Variants in SPEG observed in about 807,000 individuals in gnomAD.
The protein encoded by SPEG is striated muscle enriched protein kinase.
SPEG carries 114 observed loss-of-function variants against 300.4 expected under a neutral mutation model. The ratio of observed to expected loss-of-function variants is 0.38; its 90% CI spans 0.33 to 0.44. The LOEUF is 0.44. Ranked by LOEUF, SPEG falls within the 20% of genes least tolerant of loss-of-function variation. The pLI is 1.00. For synonymous variants in SPEG, 1,964 were observed against 2,018.9 expected (o/e 0.97, Z 0.73); for missense variants, 4,201 against 4,586.2 (o/e 0.92, Z 2.43).
intron 3 of SPEG, among the ~76,000 whole-genome samples, chr2:219,447,452 G>C (rs1246085239): frequency 2.0e-5 from 3 of 152,118 alleles, no homozygotes; most frequent in Admixed American, 6.5e-5. Context: ...CAAAAGGCTT[G>C]TGCCTGGTCC....
chr2:219,461,947 G>A lies in SPEG; in HGVS notation c.2506G>A (p.Glu836Lys). ...SDEEYLSPPEEFPEPGETWPR... is the reference protein window; with the variant it reads ...SDEEYLSPPEKFPEPGETWPR... ...CGAGGAATACCTGAGCCCCCCAGAGGAGTTCCCAGAGCCTGGGGAGACCTG... is the reference window on the plus strand; with the variant it reads ...CGAGGAATACCTGAGCCCCCCAGAGAAGTTCCCAGAGCCTGGGGAGACCTG... Residue 836 changes from glutamate (E) to lysine (K), a missense_variant, in exon 7 of 41, where the codon GAG becomes AAG. By Grantham distance (56) the Glu-to-Lys change is moderately conservative. This residue lies in a region of SPEG where 1,258 missense variants were observed against 1,293.9 expected (regional missense o/e 0.97). Transcript: ENST00000312358. 1.2e-6 allele frequency: 2 copies of A among 1,613,828 alleles called. No individual in the cohort carries two copies. Among genetic ancestry groups the A allele is most frequent in the Non-Finnish European group, 1.7e-6 (2 of 1,179,904 alleles).
Position 219,488,514 on chromosome 2 carries a change from G to T in SPEG, c.7875G>T (p.Arg2625Ser). The part of the protein sequence containing the change: ...ISWMKDKKSL[R>S]SEPSVIIVSC... ...TGTCCCCAGACAAGAAGTCCTTGAG[G>T]TCAGAGCCCTCAGTGATCATCGTGT... Residue 2625 changes from arginine to serine, a missense_variant, in exon 33 of 41, where the codon AGG (arginine) becomes AGT (serine). By Grantham distance (110) the Arg-to-Ser change is moderately radical (BLOSUM62 -1). Around this residue, in one of 4 missense-constraint regions of SPEG, gnomAD observed 1,578 missense variants for 1,506.0 expected, o/e 1.05. Transcript: ENST00000312358. The T allele has an allele frequency of 6.3e-7, 1 of 1,584,412 alleles. No homozygotes were observed. Among genetic ancestry groups the T allele is most frequent in the Non-Finnish European group, 8.6e-7 (1 of 1,164,218 alleles).
At position 219,493,114 on chromosome 2, in the gene SPEG, T is replaced by G. The variant is rs773068485; in HGVS notation, c.*328T>G. 1 of 565,756 alleles carries G rather than the reference T, an allele frequency of 1.8e-6. No homozygotes were observed. The highest frequency in any genetic ancestry group is 3.3e-6 in the Non-Finnish European group (1 of 301,656). 35.0% of individuals were successfully genotyped at this position (565,756 alleles called of 1,614,324 possible). On this transcript the variant is annotated 3_prime_UTR_variant, in exon 41 of 41. Transcript: ENST00000312358. The stretch of plus-strand genomic sequence containing the variant: ...GGGGAGGCTCTAGGAAGGTTCTGGG[T>G]TGGGGGTCAGTGCATCTCAGGGAGA...
intron 30 of SPEG, 71 bp downstream of exon 30, chr2:219,485,143 G>T: frequency 6.6e-7 from 1 of 1,515,780 alleles, no homozygotes; most frequent in South Asian, 1.2e-5. Context: ...GCTGTGGGAG[G>T]AGCAGAGGGC....
chr2:219,444,793 G>A lies in SPEG; in HGVS notation c.479-32G>A. On this transcript the variant is annotated intron_variant, in intron 2 of 40. Coordinates refer to ENST00000312358, the MANE Select transcript of SPEG (RefSeq NM_005876.5). This position sits in a 1 kb window ranked among gnomAD's most constrained non-coding sequence, Gnocchi z 7.8. ...CAGGCAGGCGGGTTTTCCATAAGGG[G>A]TGCCTCAGTCTCACGGTGCTCCTTT... 1 of 1,611,022 alleles carries A rather than the reference G, an allele frequency of 6.2e-7. No individual in the cohort carries two copies. The highest frequency in any genetic ancestry group is 8.5e-7 in the Non-Finnish European group (1 of 1,177,942).
At position 219,477,327 on chromosome 2, in the gene SPEG, G is replaced by C; in HGVS notation, c.4611G>C (p.Glu1537Asp). Reference sequence around the variant, plus strand: ...GCCATGTGAGCTTCGTGTACGAGGAGAATGAGTGCTCCCTGGTGGTGCTCA... The same window carrying C: ...GCCATGTGAGCTTCGTGTACGAGGACAATGAGTGCTCCCTGGTGGTGCTCA... The part of the protein sequence containing the change: ...ESSHVSFVYE[E>D]NECSLVVLST... The change falls in exon 20 of 41, where the codon GAG (glutamate) becomes GAC (aspartate). Residue 1537 changes from glutamate to aspartate, a missense_variant. This residue lies in a region of SPEG where 1,047 missense variants were observed against 1,356.8 expected (regional missense o/e 0.77). Coordinates refer to ENST00000312358, the MANE Select transcript of SPEG (RefSeq NM_005876.5). The surrounding 1 kb of genome is among the most constrained non-coding windows in gnomAD (Gnocchi z 6.4). 6.2e-7 allele frequency: 1 copy of C among 1,613,634 alleles called. No homozygotes were observed. The highest frequency in any genetic ancestry group is 1.1e-5 in the South Asian group (1 of 91,046).
At position 219,443,184 on chromosome 2, in the gene SPEG, A is replaced by G. The variant is rs774499619; in HGVS notation, c.389-1469A>G. 7 of 1,607,052 alleles carry G rather than the reference A, an allele frequency of 4.4e-6. No homozygotes were observed. The highest frequency in any genetic ancestry group is 4.0e-5 in the African/African-American group (3 of 74,750). ...ACCGTGGGCGTCCTTGCTCTAGCCC[A>G]TGCCTACTCCTCCTCTTGGTCCCTG... On this transcript the variant is annotated intron_variant, in intron 1 of 40. Coordinates refer to ENST00000312358, the MANE Select transcript of SPEG (RefSeq NM_005876.5). The surrounding 1 kb of genome is among the most constrained non-coding windows in gnomAD (Gnocchi z 4.6).
intron 18 of SPEG, among the ~76,000 whole-genome samples, chr2:219,476,354 A>G (rs1311564875): frequency 1.3e-5 from 2 of 152,302 alleles, no homozygotes; most frequent in East Asian, 3.9e-4. Context: ...AGCTTAATTC[A>G]GGGTCACAGG....
Position 219,481,238 on chromosome 2 carries a change from G to A in SPEG, c.5370-66G>A. 6.5e-7 allele frequency: 1 copy of A among 1,540,496 alleles called. No homozygotes were observed. On this transcript the variant is annotated intron_variant, in intron 26 of 40. Coordinates refer to ENST00000312358, the MANE Select transcript of SPEG (RefSeq NM_005876.5). This position sits in a 1 kb window ranked among gnomAD's most constrained non-coding sequence, Gnocchi z 5.4. Reference sequence around the variant, plus strand: ...AGAGCCTCCATCTGTCCCCAGCCCTGTGCCCCCACTGACATTCCCCTTTGT... The same window carrying A: ...AGAGCCTCCATCTGTCCCCAGCCCTATGCCCCCACTGACATTCCCCTTTGT...
intron 6 of SPEG, among the ~76,000 whole-genome samples, chr2:219,454,297 C>T (rs1278739210): frequency 6.6e-6 from 1 of 152,196 alleles, no homozygotes; most frequent in African/African-American, 2.4e-5. Context: ...ACCAGCTCCC[C>T]TGGTCCCTCC....
In SPEG at chr2:219,472,968, G is replaced by A. The variant is rs34994343; in HGVS notation, c.4019G>A (p.Arg1340Gln). Reference sequence around the variant, plus strand: ...TGGACGGCACTGGTCACAGGCCTGCGGGAGCCAGGGTGGGCAGCCACAGGG... The same window carrying A: ...TGGACGGCACTGGTCACAGGCCTGCAGGAGCCAGGGTGGGCAGCCACAGGG... ...DQWTALVTGLREPGWAATGLR... is the reference protein window; with the variant it reads ...DQWTALVTGLQEPGWAATGLR... The change falls in exon 16 of 41, where the codon CGG (arginine) becomes CAG (glutamine). Residue 1340 changes from arginine to glutamine, a missense_variant. Physicochemically the swap from Arg to Gln is conservative, Grantham distance 43. Around this residue, in one of 4 missense-constraint regions of SPEG, gnomAD observed 1,047 missense variants for 1,356.8 expected, o/e 0.77. Coordinates refer to ENST00000312358, the MANE Select transcript of SPEG (RefSeq NM_005876.5). The A allele has an allele frequency of 0.011, 17,511 of 1,613,788 alleles. 115 individuals are homozygous for A. The highest frequency in any genetic ancestry group is 0.013 in the Non-Finnish European group (15,111 of 1,180,004).
chr2:219,488,873 A>G lies in SPEG; in HGVS notation c.8122A>G (p.Thr2708Ala), dbSNP rs751876013. The G allele has an allele frequency of 2.4e-5, 38 of 1,586,602 alleles. No individual in the cohort carries two copies. The highest frequency in any genetic ancestry group is 3.0e-5 in the Non-Finnish European group (35 of 1,165,618). Residue 2708 changes from threonine (T) to alanine (A), a missense_variant, in exon 34 of 41, where the codon ACG (threonine) becomes GCG (alanine). Transcript: ENST00000312358. The stretch of plus-strand genomic sequence containing the variant: ...GCCGGGAGACAGCCGGGCACCTTGC[A>G]CGTATACGCTGGAGCGGCGAGTGGA... ...WKPGDSRAPC[T>A]YTLERRVDGE...
chr2:219,443,183 C>G lies in SPEG; in HGVS notation c.389-1470C>G, dbSNP rs188922226. Reference sequence around the variant, plus strand: ...GACCGTGGGCGTCCTTGCTCTAGCCCATGCCTACTCCTCCTCTTGGTCCCT... The same window carrying G: ...GACCGTGGGCGTCCTTGCTCTAGCCGATGCCTACTCCTCCTCTTGGTCCCT... On this transcript the variant is annotated intron_variant, in intron 1 of 40. Coordinates refer to ENST00000312358, the MANE Select transcript of SPEG (RefSeq NM_005876.5). The surrounding 1 kb of genome is among the most constrained non-coding windows in gnomAD (Gnocchi z 4.6). The G allele has an allele frequency of 1.9e-6, 3 of 1,606,684 alleles. No homozygotes were observed. The highest frequency in any genetic ancestry group is 2.6e-6 in the Non-Finnish European group (3 of 1,174,260).
rs186593787 is a variant in SPEG at position 219,444,409 on chromosome 2, G to A, written c.389-244G>A. ...GCGGGGAGGGGGTGGCAGTTTGGAG[G>A]GCCCTACGGAGGTAAACGTGAGTAA... On this transcript the variant is annotated intron_variant, in intron 1 of 40. Transcript: ENST00000312358. The surrounding 1 kb of genome is among the most constrained non-coding windows in gnomAD (Gnocchi z 7.8). Among the ~76,000 whole-genome samples, 923 of 152,062 alleles carry A rather than the reference G, an allele frequency of 6.1e-3. 12 individuals are homozygous for A. The highest frequency in any genetic ancestry group is 0.021 in the African/African-American group (881 of 41,474).
chr2:219,447,925 G>A lies in SPEG; in HGVS notation c.816-49G>A, dbSNP rs777384789. 4.0e-5 allele frequency: 62 copies of A among 1,562,964 alleles called. No individual in the cohort carries two copies. In the East Asian group the frequency reaches 4.3e-4, roughly 11 times the overall value. On this transcript the variant is annotated intron_variant, in intron 3 of 40. Coordinates refer to ENST00000312358, the MANE Select transcript of SPEG (RefSeq NM_005876.5). The stretch of plus-strand genomic sequence containing the variant: ...TTCCTGTCACAAGCTAAGGGTCTAG[G>A]AGAGGAGGCCCCCTGAATCCTCTAC...
chr2:219,489,961 A>G, intron 36 of SPEG, 22 bp downstream of exon 36: 2 of 1,545,784 alleles, frequency 1.3e-6, no homozygotes, highest in East Asian at 4.5e-5. Flanking sequence ...TGGGGAAGGG[A>G]AGAGGACAGA....
chr2:219,436,976 A>G (rs1559359488), intron 1 of SPEG, among the ~76,000 whole-genome samples: 2 of 152,162 alleles, frequency 1.3e-5, no homozygotes, highest in Admixed American at 6.5e-5. Flanking sequence ...TGACAAGGAG[A>G]GTAACAGTCA....
chr2:219,453,195 G>C (rs559870784), intron 6 of SPEG, among the ~76,000 whole-genome samples: 12 of 152,212 alleles, frequency 7.9e-5, no homozygotes, highest in Non-Finnish European at 1.6e-4. Context: ...GGATGGGGGT[G>C]CCCCGATACT....
chr2:219,471,330 G>A (rs1400380245), intron 13 of SPEG, among the ~76,000 whole-genome samples: 1 of 152,226 alleles, frequency 6.6e-6, no homozygotes. Context: ...CCAGCATCAA[G>A]ATGCAGAGGA....
Sources: allele counts gnomAD v4.1 joint callset (sites outside exome capture counted in the v4.1 genomes callset), GRCh38; gene constraint gnomAD v4.1.1; regional missense constraint gnomAD v4.1.1; non-coding constraint Gnocchi (gnomAD v3.1); transcripts MANE v1.5; gene names NCBI Gene and HGNC (gene_info 2026-07-23, HGNC 2026-07-21).